The following ITSN2 variants were observed in gnomAD, a reference collection of about 807,000 sequenced individuals.
ITSN2 encodes intersectin 2.
A neutral mutation model predicts 243.7 loss-of-function variants in ITSN2; 156 were observed. The observed-to-expected ratio is 0.64, with a 90% CI of 0.56 to 0.73. ITSN2 has a LOEUF of 0.73. Ranked by LOEUF, ITSN2 falls within the 30% of genes least tolerant of loss-of-function variation. The probability of loss-of-function intolerance (pLI) is 0.00; values close to 1 mark genes in which losing one functional copy is unlikely to be tolerated. For missense variants in ITSN2, 1,801 were observed against 1,996.1 expected (o/e 0.90, Z 1.86); for synonymous variants, 703 against 699.9 (o/e 1.00, Z -0.07).
chr2:24,337,540 C>T (rs181136007), intron 1 of ITSN2, among the ~76,000 whole-genome samples: 264 of 148,096 alleles, frequency 1.8e-3, no homozygotes, highest in African/African-American at 6.1e-3. Flanking sequence ...TTAGTAAAGA[C>T]GGGGTTTCAC....
chr2:24,333,422 G>A (rs922452657), intron 1 of ITSN2, among the ~76,000 whole-genome samples: 2 of 152,176 alleles, frequency 1.3e-5, no homozygotes, highest in East Asian at 1.9e-4. Context: ...CATGACTGGC[G>A]CCTGTTTCAG....
chr2:24,215,421 C>T (rs571953617), intron 32 of ITSN2, among the ~76,000 whole-genome samples: 2 of 152,178 alleles, frequency 1.3e-5, no homozygotes, highest in South Asian at 4.2e-4. Flanking sequence ...AATCCAAGCA[C>T]TTTGGGAGGC....
At chr2:24,234,657 GA>G (rs1671958203) in intron 29 of ITSN2, among the ~76,000 whole-genome samples, 1 of 152,024 alleles carries the variant, frequency 6.6e-6, no homozygotes, top group Non-Finnish European at 1.5e-5. Context: ...TCAACAATAA[GA>G]AAACAAATAA....
At chr2:24,283,370 A>G (rs1304088659) in intron 17 of ITSN2, among the ~76,000 whole-genome samples, 1 of 152,060 alleles carries the variant, frequency 6.6e-6, no homozygotes, top group Non-Finnish European at 1.5e-5. Context: ...GATTACAGGC[A>G]TCCGCCACTA....
At chr2:24,250,600 G>C (rs1293538348) in intron 25 of ITSN2, among the ~76,000 whole-genome samples, 1 of 152,112 alleles carries the variant, frequency 6.6e-6, no homozygotes, top group African/African-American at 2.4e-5. Context: ...ACGGGTAAAA[G>C]ATCCACTCAA....
intron 30 of ITSN2, 109 bp from the exon 31 acceptor site, chr2:24,218,122 A>C: frequency 1.4e-6 from 1 of 692,246 alleles, no homozygotes; most frequent in Non-Finnish European, 2.6e-6. Context: ...AGATCAAATA[A>C]TGTCAACATA....
At chr2:24,247,432 A>C (rs186972947) in intron 27 of ITSN2, among the ~76,000 whole-genome samples, 150 of 152,332 alleles carry the variant, frequency 9.8e-4, no homozygotes, top group Non-Finnish European at 1.8e-3. Context: ...TCATTGCAAT[A>C]AACTGCAACA....
In ITSN2 at chr2:24,310,666, T is replaced by C. The variant is rs763672361; in HGVS notation, c.379A>G (p.Ile127Val). 6.2e-7 allele frequency: 1 copy of C among 1,614,158 alleles called. No homozygotes were observed. Among genetic ancestry groups the C allele is most frequent in the Non-Finnish European group, 8.5e-7 (1 of 1,180,004 alleles). Residue 127 changes from isoleucine to valine, a missense_variant, in exon 6 of 40, where the codon ATT becomes GTT. Around this residue, in one of 5 missense-constraint regions of ITSN2, gnomAD observed 787 missense variants for 803.9 expected, o/e 0.98. Transcript: ENST00000355123. ...GCAGCTGGAGGCAATGGCTGAGGAA[T>C]GGACAGATTGGGCATGCTTCCCATT... ...FGMGSMPNLS[I>V]PQPLPPAAPI...
chr2:24,341,618 C>T (rs532224838), intron 1 of ITSN2, among the ~76,000 whole-genome samples: 8 of 152,144 alleles, frequency 5.3e-5, no homozygotes, highest in Non-Finnish European at 1.2e-4. Flanking sequence ...GTGCCTCACA[C>T]CTATAATCCA....
At chr2:24,244,829 T>C (rs1673142679) in intron 29 of ITSN2, among the ~76,000 whole-genome samples, 1 of 152,204 alleles carries the variant, frequency 6.6e-6, no homozygotes, top group African/African-American at 2.4e-5. Flanking sequence ...AGTTGCTTTA[T>C]GTAAAGGGAA....
At chr2:24,233,079 G>A (rs1329016173) in intron 29 of ITSN2, among the ~76,000 whole-genome samples, 1 of 152,154 alleles carries the variant, frequency 6.6e-6, no homozygotes, top group Non-Finnish European at 1.5e-5. Flanking sequence ...GTTCCAAAGA[G>A]ACTGTTCCAT....
intron 1 of ITSN2, among the ~76,000 whole-genome samples, chr2:24,358,494 T>C (rs1688658008): frequency 6.6e-6 from 1 of 152,198 alleles, no homozygotes; most frequent in African/African-American, 2.4e-5. Flanking sequence ...AAACATATTT[T>C]ATACTGAAGA....
At chr2:24,320,063 C>A (rs1373185236) in intron 2 of ITSN2, among the ~76,000 whole-genome samples, 1 of 152,030 alleles carries the variant, frequency 6.6e-6, no homozygotes, top group Non-Finnish European at 1.5e-5. Flanking sequence ...CTGATTCAGG[C>A]CAGGTAGAAA....
At chr2:24,304,295 A>G (rs1355432309) in intron 8 of ITSN2, among the ~76,000 whole-genome samples, 1 of 152,140 alleles carries the variant, frequency 6.6e-6, no homozygotes, top group African/African-American at 2.4e-5. Context: ...CCTGTCCAAA[A>G]CAACTCTTAC....
At chr2:24,278,221 C>T (rs899156699) in intron 17 of ITSN2, among the ~76,000 whole-genome samples, 1 of 152,086 alleles carries the variant, frequency 6.6e-6, no homozygotes, top group African/African-American at 2.4e-5. Flanking sequence ...CTTTACTAAC[C>T]CTATTCCCTG....
intron 29 of ITSN2, 113 bp from the exon 30 acceptor site, chr2:24,221,179 G>T: frequency 8.4e-7 from 1 of 1,193,378 alleles, no homozygotes; most frequent in Non-Finnish European, 1.2e-6. Flanking sequence ...GAATGACGCA[G>T]CCTTAAAAAG....
At chr2:24,317,802 C>A (rs922296767) in intron 2 of ITSN2, among the ~76,000 whole-genome samples, 12 of 152,200 alleles carry the variant, frequency 7.9e-5, no homozygotes, top group Admixed American at 6.5e-5. Context: ...CCACTGCATG[C>A]CAAACTGTGA....
chr2:24,268,973 T>C (rs1677007834), intron 20 of ITSN2, among the ~76,000 whole-genome samples: 1 of 152,152 alleles, frequency 6.6e-6, no homozygotes, highest in Admixed American at 6.6e-5. Context: ...ACCTGTGCTA[T>C]TGCTAATCTA....
chr2:24,203,517 T>C lies in ITSN2; in HGVS notation c.*109A>G. ...ACAGAGCCCCCAGCGTGCATGGCTTTGTGAGGGGTGAAGCTGCATGGTGCT... is the reference window on the plus strand; with the variant it reads ...ACAGAGCCCCCAGCGTGCATGGCTTCGTGAGGGGTGAAGCTGCATGGTGCT... On this transcript the variant is annotated 3_prime_UTR_variant, in exon 40 of 40. Transcript: ENST00000355123. 1 of 1,119,706 alleles carries C rather than the reference T, an allele frequency of 8.9e-7. No individual in the cohort carries two copies. Among genetic ancestry groups the C allele is most frequent in the Non-Finnish European group, 1.3e-6 (1 of 799,686 alleles). The allele number at this position is 1,119,706 out of a possible 1,614,324, so 69.4% of individuals were successfully genotyped here.
Sources: allele counts gnomAD v4.1 joint callset (sites outside exome capture counted in the v4.1 genomes callset), GRCh38; gene constraint gnomAD v4.1.1; regional missense constraint gnomAD v4.1.1; transcripts MANE v1.5; gene names NCBI Gene and HGNC (gene_info 2026-07-23, HGNC 2026-07-21).